Variants in GZMH observed in about 807,000 individuals in gnomAD.
The protein encoded by GZMH is granzyme H.
Under a neutral mutation model 20.7 loss-of-function variants are expected in GZMH, and 24 were observed. That is an observed-to-expected ratio of 1.16 (90% CI 0.84 to 1.63). GZMH has a LOEUF of 1.63. GZMH is among the 40% of genes most tolerant of loss of function. The pLI, the probability that GZMH is intolerant of heterozygous loss-of-function variation, is 0.00. For missense variants in GZMH, 344 were observed against 302.7 expected (o/e 1.14, Z -1.01); for synonymous variants, 119 against 116.1 (o/e 1.02, Z -0.16).
At chr14:24,609,459 G>T in intron 1 of GZMH, 100 bp downstream of exon 1, 1 of 668,042 alleles carries the variant, frequency 1.5e-6, no homozygotes, top group Non-Finnish European at 2.6e-6. Context: ...TGTGGAATGG[G>T]AGGTGGGCTC....
In GZMH at chr14:24,606,630, C is replaced by T; in HGVS notation, c.714G>A (p.Trp238Ter). The T allele has an allele frequency of 1.2e-6, 2 of 1,613,872 alleles. No homozygotes were observed. The highest frequency in any genetic ancestry group is 1.7e-6 in the Non-Finnish European group (2 of 1,179,856). ...AGAGGCGCTTCATTGTTCTCTTTAT[C>T]CAGGGCAGGAAGTGTGAGACCTTGA... is the stretch of plus-strand genomic sequence containing the variant. ...VYIKVSHFLP[W>*]IKRTMKRL is the part of the protein sequence containing the mutation. Residue 238 changes from tryptophan to a stop codon, truncating the protein, a stop_gained, in exon 5 of 5, where the codon TGG becomes TGA. Transcript: ENST00000216338. LOFTEE classifies it low-confidence loss of function (END_TRUNC).
At chr14:24,608,743 T>C (rs1408330383) in intron 1 of GZMH, among the ~76,000 whole-genome samples, 2 of 152,182 alleles carry the variant, frequency 1.3e-5, no homozygotes, top group Non-Finnish European at 2.9e-5. Context: ...TTTTAGTGAG[T>C]CTCTCTGATT....
At position 24,606,731 on chromosome 14, in the gene GZMH, GC is replaced by G. The variant is rs770777921; in HGVS notation, c.612del (p.Leu206SerfsTer6). ...TQTGFKGDSG[G>X]PLVCKDVAQG... ...TGGGCTACGTCCTTACACACGAGGGGCCCCCCGGAGTCCCCCTGTGAACAGA... is the reference window on the plus strand; with the variant it reads ...TGGGCTACGTCCTTACACACGAGGGGCCCCCGGAGTCCCCCTGTGAACAGA... On this transcript the variant is annotated frameshift_variant, in exon 5 of 5. Transcript: ENST00000216338. LOFTEE classifies it low-confidence loss of function (END_TRUNC). 6.2e-7 allele frequency: 1 copy of G among 1,613,266 alleles called. No homozygotes were observed. The highest frequency in any genetic ancestry group is 1.7e-5 in the Admixed American group (1 of 59,978).
In GZMH at chr14:24,607,286, T is replaced by C. The variant is rs1045097207; in HGVS notation, c.460A>G (p.Thr154Ala). Residue 154 changes from threonine to alanine, a missense_variant, in exon 4 of 5, where the codon ACT becomes GCT. By Grantham distance (58) the Thr-to-Ala change is moderately conservative. Transcript: ENST00000216338. Reference sequence around the variant, plus strand: ...ACTTCCTGCAGTGTGGTTGCTAAAGTGCTCATTGAGACATAACCCCAGCCA... The same window carrying C: ...ACTTCCTGCAGTGTGGTTGCTAAAGCGCTCATTGAGACATAACCCCAGCCA... ...VAGWGYVSMS[T>A]LATTLQEVLL... 1 of 1,614,128 alleles carries C rather than the reference T, an allele frequency of 6.2e-7. No individual in the cohort carries two copies.
chr14:24,607,059 A>C, intron 4 of GZMH, 90 bp downstream of exon 4: 1 of 1,340,034 alleles, frequency 7.5e-7, no homozygotes, highest in East Asian at 2.3e-5. Context: ...CTGGGCTGAG[A>C]GCATAAAGAT....
In GZMH at chr14:24,606,706, T is replaced by C; in HGVS notation, c.638A>G (p.Gln213Arg). ...GGPLVCKDVA[Q>R]GILSYGNKKG... is the part of the protein sequence containing the mutation. ...TTTGTTTCCATAGGAGAGAATACCT[T>C]GGGCTACGTCCTTACACACGAGGGG... Residue 213 changes from glutamine (Q) to arginine (R), a missense_variant, in exon 5 of 5, where the codon CAA (glutamine) becomes CGA (arginine). By Grantham distance (43) the Gln-to-Arg change is conservative. Transcript: ENST00000216338. 6.2e-7 allele frequency: 1 copy of C among 1,613,956 alleles called. No homozygotes were observed. Among genetic ancestry groups the C allele is most frequent in the Non-Finnish European group, 8.5e-7 (1 of 1,179,838 alleles).
At position 24,609,552 on chromosome 14, in the gene GZMH, C is replaced by T; in HGVS notation, c.55+7G>A. 6.3e-7 allele frequency: 1 copy of T among 1,597,278 alleles called. No individual in the cohort carries two copies. Among genetic ancestry groups the T allele is most frequent in the Non-Finnish European group, 8.6e-7 (1 of 1,168,612 alleles). On this transcript the variant is annotated splice_region_variant and intron_variant, in intron 1 of 4. Coordinates refer to ENST00000216338, the MANE Select transcript of GZMH (RefSeq NM_033423.5). The stretch of plus-strand genomic sequence containing the variant: ...TTCAGGCCTCTGGAATAGGGATAGT[C>T]ACTTACCTGTCCCAGCCCCAGGGGT...
rs1374996284 is a variant in GZMH at position 24,606,513 on chromosome 14, C to T, written c.*90G>A. 4 of 1,165,064 alleles carry T rather than the reference C, an allele frequency of 3.4e-6. No individual in the cohort carries two copies. In the Admixed American group the frequency reaches 6.6e-5, roughly 19 times the overall value. The allele number at this position is 1,165,064 out of a possible 1,614,324, so 72.2% of individuals were successfully genotyped here. On this transcript the variant is annotated 3_prime_UTR_variant, in exon 5 of 5. Coordinates refer to ENST00000216338, the MANE Select transcript of GZMH (RefSeq NM_033423.5). The stretch of plus-strand genomic sequence containing the variant: ...ACACCAGAGATCCATTTATTACAGT[C>T]CTGCAACCCCGACTGCCCACCCCTT...
At chr14:24,609,219 G>T (rs1326049390) in intron 1 of GZMH, among the ~76,000 whole-genome samples, 1 of 152,200 alleles carries the variant, frequency 6.6e-6, no homozygotes, top group Non-Finnish European at 1.5e-5. Context: ...TCCTATGACT[G>T]CAACTTGGTG....
rs770312262 is a variant in GZMH at position 24,607,335 on chromosome 14, C to G, written c.411G>C (p.Lys137Asn). ...CAGCCACACTGCACAGCTGCCCTGG[C>G]TTCACCTGGGCCTTGCTGCTAGGTA... Reference protein sequence around the residue: ...LRLPSSKAQVKPGQLCSVAGW... With the variant: ...LRLPSSKAQVNPGQLCSVAGW... Residue 137 changes from lysine to asparagine, a missense_variant, in exon 4 of 5, where the codon AAG becomes AAC. Transcript: ENST00000216338. 3.1e-6 allele frequency: 5 copies of G among 1,612,964 alleles called. No homozygotes were observed. Among genetic ancestry groups the G allele is most frequent in the Non-Finnish European group, 3.4e-6 (4 of 1,179,266 alleles).
rs767220688 is a variant in GZMH, at chr14:24,607,275, G to T, written c.471C>A (p.Thr157=). Residue 157 remains threonine (T), a synonymous_variant, in exon 4 of 5, where the codon ACC becomes ACA. Transcript: ENST00000216338. ...WGYVSMSTLA[T]TLQEVLLTVQ... ...CTGTCAGCAACACTTCCTGCAGTGT[G>T]GTTGCTAAAGTGCTCATTGAGACAT... 11 of 1,613,966 alleles carry T rather than the reference G, an allele frequency of 6.8e-6. No individual in the cohort carries two copies. Among genetic ancestry groups the T allele is most frequent in the Admixed American group, 1.7e-5 (1 of 60,004 alleles).
intron 4 of GZMH, 101 bp downstream of exon 4, chr14:24,607,048 T>A: frequency 1.6e-6 from 2 of 1,268,664 alleles, no homozygotes; most frequent in Non-Finnish European, 2.2e-6. Flanking sequence ...CTGCCCAAGC[T>A]CTGGGCTGAG....
chr14:24,608,585 C>CT (rs1323416481), intron 1 of GZMH, among the ~76,000 whole-genome samples, 173 bp from the exon 2 acceptor site: 2 of 152,334 alleles, frequency 1.3e-5, no homozygotes, highest in East Asian at 1.9e-4. Context: ...CTTTTCTGAA[C>CT]TTTAAGTCTC....
intron 1 of GZMH, 112 bp downstream of exon 1, chr14:24,609,447 G>T (rs2066895717): frequency 3.2e-6 from 2 of 617,478 alleles, no homozygotes; most frequent in African/African-American, 1.9e-5. Context: ...TATAAGTCTG[G>T]GTGTGGAATG....
At position 24,607,711 on chromosome 14, in the gene GZMH, C is replaced by T. The variant is rs1333581014; in HGVS notation, c.240G>A (p.Lys80=). 14 of 1,614,008 alleles carry T rather than the reference C, an allele frequency of 8.7e-6. No homozygotes were observed. The highest frequency in any genetic ancestry group is 6.6e-5 in the South Asian group (6 of 91,068). ...TAAACTGCTGGGTCCGCTCCTGTTC[C>T]TTGATATTGTGGGCCCCCAAGGTGA... The part of the protein sequence containing the change: ...INVTLGAHNI[K]EQERTQQFIP... Residue 80 remains lysine (K), a synonymous_variant, in exon 3 of 5, where the codon AAG becomes AAA. Coordinates refer to ENST00000216338, the MANE Select transcript of GZMH (RefSeq NM_033423.5).
intron 1 of GZMH, 92 bp from the exon 2 acceptor site, chr14:24,608,504 T>G (rs1281719669): frequency 7.0e-7 from 1 of 1,422,312 alleles, no homozygotes; most frequent in Non-Finnish European, 9.8e-7. Flanking sequence ...TGAAGTGTTT[T>G]GTGTGCTGCA....
intron 1 of GZMH, 23 bp downstream of exon 1, chr14:24,609,535 TC>T: frequency 1.3e-6 from 2 of 1,567,894 alleles, no homozygotes; most frequent in Non-Finnish European, 1.7e-6. Flanking sequence ...GGTTCAGGCC[TC>T]TGGAATAGGG....
At position 24,609,679 on chromosome 14, in the gene GZMH, G is replaced by A. The variant is rs994156857; in HGVS notation, c.-66C>T. On this transcript the variant is annotated 5_prime_UTR_variant, in exon 1 of 5. Coordinates refer to ENST00000216338, the MANE Select transcript of GZMH (RefSeq NM_033423.5). ...ACTCCTTCCAGAAACAAATGCTGGA[G>A]GGAGATGAAGGAGGGATGGGTACAG... 9 of 1,186,006 alleles carry A rather than the reference G, an allele frequency of 7.6e-6. No individual in the cohort carries two copies. In the South Asian group the frequency reaches 1.2e-4, roughly 16 times the overall value. The allele number at this position is 1,186,006 out of a possible 1,614,324, so 73.5% of individuals were successfully genotyped here.
rs764634951 is a variant in GZMH at position 24,606,737 on chromosome 14, C to T, written c.607G>A (p.Gly203Arg). The T allele has an allele frequency of 2.1e-5, 34 of 1,613,284 alleles. No individual in the cohort carries two copies. The highest frequency in any genetic ancestry group is 6.6e-5 in the South Asian group (6 of 91,034). ...KTQTGFKGDS[G>R]GPLVCKDVAQ... ...ACGTCCTTACACACGAGGGGCCCCC[C>T]GGAGTCCCCCTGTGAACAGAGAGAG... The change falls in exon 5 of 5, where the codon GGG becomes AGG. Residue 203 changes from glycine (G) to arginine (R), a missense_variant. Coordinates refer to ENST00000216338, the MANE Select transcript of GZMH (RefSeq NM_033423.5).
Sources: allele counts gnomAD v4.1 joint callset (sites outside exome capture counted in the v4.1 genomes callset), GRCh38; gene constraint gnomAD v4.1.1; transcripts MANE v1.5; gene names NCBI Gene and HGNC (gene_info 2026-07-23, HGNC 2026-07-21).